ANKRD36: variants seen among roughly 807,000 people sequenced by gnomAD.
ANKRD36 encodes the protein ankyrin repeat domain 36, also known as ankyrin repeat domain-containing protein 36A.
A neutral mutation model predicts 278.1 loss-of-function variants in ANKRD36; 179 were observed. That is an observed-to-expected ratio of 0.64 (90% CI 0.57 to 0.73). The LOEUF is 0.73. Ranked by LOEUF, ANKRD36 falls within the 30% of genes least tolerant of loss-of-function variation. The pLI is 0.00. For missense variants in ANKRD36, 1,159 were observed against 1,956.7 expected, an observed-to-expected ratio of 0.59 and a Z score of 7.69; for synonymous variants, 320 against 641.1, an observed-to-expected ratio of 0.50 and a Z score of 7.57.
At chr2:97,201,584 A>G (rs1004437611) in intron 46 of ANKRD36, among the ~76,000 whole-genome samples, 10 of 151,946 alleles carry the variant, frequency 6.6e-5, no homozygotes, top group African/African-American at 2.2e-4. Context: ...AAACTAGTGG[A>G]TACAAGAAGC....
intron 10 of ANKRD36, among the ~76,000 whole-genome samples, chr2:97,145,332 G>T (rs975311185): frequency 6.6e-6 from 1 of 152,032 alleles, no homozygotes; most frequent in African/African-American, 2.4e-5. Flanking sequence ...AGGATAGAGT[G>T]CTAGAATTGT....
intron 67 of ANKRD36, among the ~76,000 whole-genome samples, chr2:97,230,523 C>CT (rs2071582589): frequency 6.6e-6 from 1 of 152,058 alleles, no homozygotes; most frequent in African/African-American, 2.4e-5. Flanking sequence ...ATTGGTTATT[C>CT]TAGGTATACA....
intron 37 of ANKRD36, 43 bp from the exon 38 acceptor site, chr2:97,192,938 A>G: frequency 6.3e-7 from 1 of 1,594,572 alleles, no homozygotes; most frequent in East Asian, 2.3e-5. Flanking sequence ...GGTCTATGAA[A>G]CATACTTTAT....
intron 22 of ANKRD36, among the ~76,000 whole-genome samples, chr2:97,177,880 G>T (rs1450030936): frequency 2.6e-5 from 4 of 151,682 alleles, no homozygotes; most frequent in African/African-American, 9.7e-5. Context: ...TACCATCAGA[G>T]TGAACAGGCA....
Position 97,191,059 on chromosome 2 carries a change from T to C in ANKRD36, c.2275-50T>C, listed in dbSNP as rs191172285. The C allele has an allele frequency of 9.6e-5, 154 of 1,596,398 alleles. 2 individuals are homozygous for C. The African/African-American group carries it at 1.9e-3, about 20-fold the overall frequency. ...ACTAGTAAATCTATAGTCTATGAAA[T>C]ATACTTCATTGATTTATTTATTTAT... On this transcript the variant is annotated intron_variant, in intron 35 of 75. Transcript: ENST00000420699.
rs753614823 is a variant in ANKRD36 at position 97,217,262 on chromosome 2, T to C, written c.3703-38T>C. 13 of 1,546,984 alleles carry C rather than the reference T, an allele frequency of 8.4e-6. 2 individuals carry two copies. In the South Asian group the frequency reaches 1.4e-4, roughly 17 times the overall value. On this transcript the variant is annotated intron_variant, in intron 63 of 75. Coordinates refer to ENST00000420699, the MANE Select transcript of ANKRD36 (RefSeq NM_001354587.1). ...TTTATTGCATAGCCTATGAAATATA[T>C]ATTATGTATTGACTATTTTGTTTCT...
At chr2:97,201,751 C>T (rs12476564) in intron 46 of ANKRD36, among the ~76,000 whole-genome samples, 2,727 of 151,912 alleles carry the variant, frequency 0.018, 46 homozygotes, top group Non-Finnish European at 0.025. Context: ...TGTGTGCCTT[C>T]TCAGTTATTG....
chr2:97,148,152 C>T (rs2044795923), intron 11 of ANKRD36, among the ~76,000 whole-genome samples: 1 of 149,592 alleles, frequency 6.7e-6, no homozygotes, highest in Admixed American at 6.7e-5. Context: ...GTGGATGTCT[C>T]TTTTTTTCTG....
intron 68 of ANKRD36, among the ~76,000 whole-genome samples, chr2:97,240,775 A>G (rs1291165778): frequency 8.7e-6 from 1 of 115,138 alleles, no homozygotes; most frequent in South Asian, 4.3e-4. Flanking sequence ...ATGAAAAATC[A>G]GTATCTGTTA....
intron 40 of ANKRD36, among the ~76,000 whole-genome samples, chr2:97,196,324 A>C (rs1175363946): frequency 5.3e-5 from 1 of 18,850 alleles, no homozygotes; most frequent in Non-Finnish European, 3.7e-4. Context: ...TCGGCCTAAG[A>C]CATTGATATT....
intron 67 of ANKRD36, among the ~76,000 whole-genome samples, chr2:97,229,979 G>A (rs553863982): frequency 9.9e-5 from 15 of 152,184 alleles, no homozygotes; most frequent in South Asian, 4.2e-4. Context: ...ACTCTCTTCC[G>A]GCTTGTAGAG....
At position 97,137,377 on chromosome 2, in the gene ANKRD36, T is replaced by G. The variant is rs187239008; in HGVS notation, c.800-5263T>G. Among the ~76,000 whole-genome samples the G allele has an allele frequency of 4.0e-3, 614 of 151,972 alleles. 8 individuals are homozygous for G. Among genetic ancestry groups the G allele is most frequent in the Middle Eastern group, 0.014 (4 of 294 alleles). On this transcript the variant is annotated intron_variant, in intron 6 of 75. Transcript: ENST00000420699. ...GTTTGGCCAGGCTGGTCTCAAACTT[T>G]TGGCCTCATGTGATCCACCCACCTT...
At chr2:97,235,280 C>T (rs1205096958) in intron 68 of ANKRD36, among the ~76,000 whole-genome samples, 1 of 151,332 alleles carries the variant, frequency 6.6e-6, no homozygotes, top group Non-Finnish European at 1.5e-5. Context: ...ATCCTTTCTC[C>T]ACTGCATTGC....
intron 6 of ANKRD36, among the ~76,000 whole-genome samples, chr2:97,129,045 C>T (rs2039372751): frequency 6.6e-6 from 1 of 152,100 alleles, no homozygotes; most frequent in Non-Finnish European, 1.5e-5. Flanking sequence ...GGAATCACCA[C>T]ACTGACTTCC....
chr2:97,123,348 A>G (rs1444241558), intron 4 of ANKRD36, among the ~76,000 whole-genome samples: 1 of 132,286 alleles, frequency 7.6e-6, no homozygotes, highest in Non-Finnish European at 1.7e-5. Context: ...TACATTAGCT[A>G]AAGGGGTTTC....
intron 47 of ANKRD36, 45 bp downstream of exon 47, chr2:97,202,275 C>A (rs1360352393): frequency 6.2e-7 from 1 of 1,604,130 alleles, no homozygotes; most frequent in Non-Finnish European, 8.5e-7. Flanking sequence ...AATGTATGGT[C>A]TATGAAACAT....
intron 67 of ANKRD36, among the ~76,000 whole-genome samples, chr2:97,225,909 AATG>A (rs1268637545): frequency 2.0e-5 from 3 of 151,642 alleles, no homozygotes; most frequent in Admixed American, 6.6e-5. Context: ...GTTTACTGAG[AATG>A]ATGATTTCCA....
chr2:97,155,137 C>G lies in ANKRD36; in HGVS notation c.1260+396C>G, dbSNP rs200948199. On this transcript the variant is annotated intron_variant, in intron 15 of 75. Transcript: ENST00000420699. The stretch of plus-strand genomic sequence containing the variant: ...TAATAATACCTCTGTTTAAATGAAT[C>G]TTTGTTACATCAGATGACTTATTAT... Among the ~76,000 whole-genome samples the G allele has an allele frequency of 2.2e-5, 3 of 137,316 alleles. 1 individual carries two copies. Among genetic ancestry groups the G allele is most frequent in the Non-Finnish European group, 5.0e-5 (3 of 59,664 alleles). The allele number at this position is 137,316 out of a possible 152,430, so 90.1% of individuals were successfully genotyped here. A position where few individuals can be genotyped will look rare whatever the true frequency, so the allele number is the denominator to read the frequency against.
chr2:97,232,195 A>G (rs1173037878), intron 67 of ANKRD36, among the ~76,000 whole-genome samples: 1 of 151,924 alleles, frequency 6.6e-6, no homozygotes, highest in Non-Finnish European at 1.5e-5. Context: ...TTATTTAAAG[A>G]TAAAGTTATT....
Sources: allele counts gnomAD v4.1 joint callset (sites outside exome capture counted in the v4.1 genomes callset), GRCh38; gene constraint gnomAD v4.1.1; transcripts MANE v1.5; gene names NCBI Gene and HGNC (gene_info 2026-07-23, HGNC 2026-07-21).